Variants in TMEM108 observed in about 807,000 individuals in gnomAD.
The protein encoded by TMEM108 is cancer/testis antigen 124.
Under a neutral mutation model 35.1 loss-of-function variants are expected in TMEM108, and 12 were observed. The observed-to-expected ratio is 0.34, with a 90% CI of 0.22 to 0.55. TMEM108 has a LOEUF of 0.55. Among genes scored for constraint, TMEM108 ranks in the 20% least tolerant of loss-of-function variants. The pLI is 0.89. For synonymous variants in TMEM108, 287 were observed against 308.6 expected, an observed-to-expected ratio of 0.93 and a Z score of 0.73; for missense variants, 680 against 753.3, an observed-to-expected ratio of 0.90 and a Z score of 1.14.
chr3:133,224,546 C>A (rs1946039976), intron 2 of TMEM108, among the ~76,000 whole-genome samples: 1 of 152,030 alleles, frequency 6.6e-6, no homozygotes, highest in South Asian at 2.1e-4. Context: ...GGGTGGTTTT[C>A]CCTATACTGT....
At chr3:133,367,977 T>A (rs907999428) in intron 3 of TMEM108, among the ~76,000 whole-genome samples, 1 of 152,238 alleles carries the variant, frequency 6.6e-6, no homozygotes, top group Non-Finnish European at 1.5e-5. Flanking sequence ...ACATTGTGTC[T>A]TTTTCCTTTT....
chr3:133,260,192 A>G (rs1351117675), intron 3 of TMEM108, among the ~76,000 whole-genome samples: 2 of 152,082 alleles, frequency 1.3e-5, no homozygotes, highest in Admixed American at 6.5e-5. Context: ...TTGGATACCT[A>G]CTGTGTGCCA....
intron 2 of TMEM108, among the ~76,000 whole-genome samples, chr3:133,139,759 A>G (rs1217586358): frequency 6.6e-6 from 1 of 152,196 alleles, no homozygotes; most frequent in Non-Finnish European, 1.5e-5. Flanking sequence ...CGTTCCAACC[A>G]GTATCAAAAC....
At chr3:133,252,736 A>G (rs1176017418) in intron 3 of TMEM108, among the ~76,000 whole-genome samples, 1 of 152,060 alleles carries the variant, frequency 6.6e-6, no homozygotes, top group Non-Finnish European at 1.5e-5. Context: ...ACTTCTCTGA[A>G]CCTCCGAACT....
chr3:133,185,344 T>G (rs1194570871), intron 2 of TMEM108, among the ~76,000 whole-genome samples: 1 of 152,056 alleles, frequency 6.6e-6, no homozygotes, highest in African/African-American at 2.4e-5. Context: ...CCCCATTGAA[T>G]GGACATGTGG....
At chr3:133,352,112 A>T (rs2072020034) in intron 3 of TMEM108, among the ~76,000 whole-genome samples, 2 of 152,116 alleles carry the variant, frequency 1.3e-5, no homozygotes. Flanking sequence ...TTATTTACAA[A>T]TTTATTTTCA....
At chr3:133,329,989 C>G (rs1255827079) in intron 3 of TMEM108, among the ~76,000 whole-genome samples, 12 of 152,108 alleles carry the variant, frequency 7.9e-5, no homozygotes, top group Admixed American at 7.9e-4. Context: ...GAGTTTCCAC[C>G]TGTCTTTTTA....
At chr3:133,378,836 G>T in intron 3 of TMEM108, among the ~76,000 whole-genome samples, 1 of 145,554 alleles carries the variant, frequency 6.9e-6, no homozygotes, top group Non-Finnish European at 1.5e-5. Context: ...GTTCAAAAGG[G>T]CTCCTTCTAC....
chr3:133,204,767 T>G (rs1281052049), intron 2 of TMEM108, among the ~76,000 whole-genome samples: 1 of 152,230 alleles, frequency 6.6e-6, no homozygotes, highest in Non-Finnish European at 1.5e-5. Context: ...CTGAGAAGAC[T>G]GTATATTCTG....
At chr3:133,161,895 GTTGTTACCTCGT>G (rs760498466) in intron 2 of TMEM108, among the ~76,000 whole-genome samples, 1 of 152,196 alleles carries the variant, frequency 6.6e-6, no homozygotes, top group Non-Finnish European at 1.5e-5. Flanking sequence ...TTCAGGTGCT[GTTGTTACCTCGT>G]TTTTGGCCCC....
intron 2 of TMEM108, among the ~76,000 whole-genome samples, chr3:133,182,494 C>G (rs771477470): frequency 1.3e-5 from 2 of 152,146 alleles, no homozygotes; most frequent in Non-Finnish European, 2.9e-5. Context: ...ATCCCCTGAT[C>G]ATTAGGTGAT....
In TMEM108 at chr3:133,295,983, G is replaced by A. The variant is rs112476766; in HGVS notation, c.40+66632G>A. Among the ~76,000 whole-genome samples, 1,100 of 152,268 alleles carry A rather than the reference G, an allele frequency of 7.2e-3. 7 individuals carry two copies. The highest frequency in any genetic ancestry group is 0.01 in the Non-Finnish European group (700 of 68,018). Reference sequence around the variant, plus strand: ...CTCTCTTACTAACATGAAAGAGCTGGACGGATAACTTTAAAACTGAGAAGG... The same window carrying A: ...CTCTCTTACTAACATGAAAGAGCTGAACGGATAACTTTAAAACTGAGAAGG... On this transcript the variant is annotated intron_variant, in intron 3 of 5. Coordinates refer to ENST00000321871, the MANE Select transcript of TMEM108 (RefSeq NM_023943.4).
At chr3:133,103,843 C>A (rs1421913337) in intron 2 of TMEM108, among the ~76,000 whole-genome samples, 1 of 152,204 alleles carries the variant, frequency 6.6e-6, no homozygotes, top group Non-Finnish European at 1.5e-5. Flanking sequence ...CAGGTCCTCA[C>A]TTTTCTCATC....
chr3:133,296,919 C>G (rs1177029777), intron 3 of TMEM108, among the ~76,000 whole-genome samples: 3 of 152,132 alleles, frequency 2.0e-5, no homozygotes. Flanking sequence ...GATAGCCCCC[C>G]TAGTGATATC....
At chr3:133,112,093 C>G (rs1430291439) in intron 2 of TMEM108, among the ~76,000 whole-genome samples, 6 of 151,804 alleles carry the variant, frequency 4.0e-5, no homozygotes, top group African/African-American at 1.5e-4. Context: ...AGTTCTTTTT[C>G]CATTGCGGGG....
In TMEM108 at chr3:133,094,233, A is replaced by ACC. The variant is rs1414247366; in HGVS notation, c.-47+48220_-47+48221dup. ...CTTCCCACCTCCCACCCCACCCCCC[A>ACC]CCCCCCCCACACACACGAGATGCTG... On this transcript the variant is annotated intron_variant, in intron 2 of 5. Coordinates refer to ENST00000321871, the MANE Select transcript of TMEM108 (RefSeq NM_023943.4). Among the ~76,000 whole-genome samples the ACC allele has an allele frequency of 9.9e-4, 23 of 23,350 alleles. No individual in the cohort carries two copies. The South Asian group carries it at 0.013, about 13-fold the overall frequency. The allele number at this position is 23,350 out of a possible 152,430, so 15.3% of individuals were successfully genotyped here.
At chr3:133,254,950 C>T (rs568146937) in intron 3 of TMEM108, among the ~76,000 whole-genome samples, 18 of 152,268 alleles carry the variant, frequency 1.2e-4, no homozygotes, top group African/African-American at 4.1e-4. Flanking sequence ...GTGAATGGGA[C>T]CTTAGTTGGA....
chr3:133,162,621 C>T (rs943913572), intron 2 of TMEM108, among the ~76,000 whole-genome samples: 1 of 152,210 alleles, frequency 6.6e-6, no homozygotes, highest in Non-Finnish European at 1.5e-5. Flanking sequence ...CAAGACAGAT[C>T]TTTAAGATTA....
intron 2 of TMEM108, among the ~76,000 whole-genome samples, chr3:133,154,186 T>A (rs1944842868): frequency 1.3e-5 from 2 of 152,122 alleles, no homozygotes; most frequent in Non-Finnish European, 2.9e-5. Flanking sequence ...ATTCTGGGTA[T>A]TAGCCCTTTG....
Sources: gnomAD v4.1 joint callset for allele counts (sites outside exome capture counted in the v4.1 genomes callset) on GRCh38, gnomAD v4.1.1 for gene constraint, MANE v1.5 for transcripts, NCBI Gene and HGNC (gene_info 2026-07-23, HGNC 2026-07-21) for gene names.